Variants in CABIN1 observed in about 807,000 individuals in gnomAD.
CABIN1 encodes calcineurin binding protein 1.
A neutral mutation model predicts 227.7 loss-of-function variants in CABIN1; 133 were observed. That is an observed-to-expected ratio of 0.58 (90% confidence interval 0.51 to 0.67). The LOEUF (loss-of-function observed/expected upper bound fraction) is 0.67, where lower values mean the gene tolerates loss of function less well. CABIN1 is among the 30% of genes least tolerant of loss of function. The pLI, the probability that CABIN1 is intolerant of heterozygous loss-of-function variation, is 0.00. For missense variants in CABIN1, 2,408 were observed against 2,852.5 expected (o/e 0.84, Z 3.55); for synonymous variants, 1,086 against 1,155.1 (o/e 0.94, Z 1.21).
Position 24,098,169 on chromosome 22 carries a change from C to G in CABIN1, c.4094C>G (p.Pro1365Arg), listed in dbSNP as rs1211172511. 1 of 1,614,176 alleles carries G rather than the reference C, an allele frequency of 6.2e-7. No homozygotes were observed. The highest frequency in any genetic ancestry group is 8.5e-7 in the Non-Finnish European group (1 of 1,180,036). ...CACGATTACGTCAAATGTAAAAAAC[C>G]CCACCAGCAGGCAACGCCGGACGGT... ...IDHDYVKCKKPHQQATPDDRS... is the reference protein window; with the variant it reads ...IDHDYVKCKKRHQQATPDDRS... Residue 1365 changes from proline (P) to arginine (R), a missense_variant, in exon 26 of 37, where the codon CCC (proline) becomes CGC (arginine). This residue lies in a region of CABIN1 where 649 missense variants were observed against 910.3 expected (regional missense o/e 0.71). Coordinates refer to ENST00000263119, the MANE Select transcript of CABIN1 (RefSeq NM_012295.4).
chr22:24,070,000 T>C (rs977788123), intron 16 of CABIN1, among the ~76,000 whole-genome samples: 1 of 151,468 alleles, frequency 6.6e-6, no homozygotes, highest in African/African-American at 2.4e-5. Flanking sequence ...AGACAGGCTG[T>C]GTTTCCCCAT....
chr22:24,158,711 C>G (rs2148593069), intron 29 of CABIN1, among the ~76,000 whole-genome samples: 1 of 152,188 alleles, frequency 6.6e-6, no homozygotes, highest in East Asian at 1.9e-4. Flanking sequence ...TCAAAAACCC[C>G]CCACATCCCT....
At chr22:24,143,925 A>G (rs2044946522) in intron 29 of CABIN1, among the ~76,000 whole-genome samples, 1 of 152,202 alleles carries the variant, frequency 6.6e-6, no homozygotes, top group African/African-American at 2.4e-5. Context: ...AAAGGGGCTC[A>G]GGTCAGTGCC....
chr22:24,059,416 C>T (rs2146362004), intron 11 of CABIN1, 53 bp downstream of exon 11: 4 of 1,597,644 alleles, frequency 2.5e-6, no homozygotes, highest in Admixed American at 1.7e-5. Context: ...TTCCCACTAT[C>T]CTATAACCTG....
chr22:24,088,853 C>G (rs1257677761), intron 23 of CABIN1, among the ~76,000 whole-genome samples: 1 of 152,192 alleles, frequency 6.6e-6, no homozygotes, highest in African/African-American at 2.4e-5. Flanking sequence ...TCACTCAGCA[C>G]CACACTGTTG....
chr22:24,156,690 C>T (rs1365911208), intron 29 of CABIN1: 1 of 152,268 alleles, frequency 6.6e-6, no homozygotes, highest in African/African-American at 2.4e-5. Context: ...CAAGCACCGG[C>T]CCGTTATGTG....
chr22:24,131,450 C>A (rs973951026), intron 28 of CABIN1, among the ~76,000 whole-genome samples: 3 of 152,198 alleles, frequency 2.0e-5, no homozygotes, highest in African/African-American at 7.2e-5. Context: ...CAGGCTCAGT[C>A]CCCTAGGCAG....
intron 1 of CABIN1, among the ~76,000 whole-genome samples, chr22:24,013,428 A>C (rs1028481254): frequency 4.2e-4 from 64 of 151,550 alleles, no homozygotes; most frequent in Admixed American, 1.3e-4. Context: ...TGATCTCCTG[A>C]CCTCATGATC....
intron 8 of CABIN1, among the ~76,000 whole-genome samples, chr22:24,053,077 T>C (rs2038483082): frequency 6.7e-6 from 1 of 149,342 alleles, no homozygotes; most frequent in Admixed American, 6.6e-5. Context: ...TTTTCTTTTT[T>C]CTTTTTTTTT....
intron 29 of CABIN1, among the ~76,000 whole-genome samples, chr22:24,146,384 A>C (rs1050297945): frequency 1.3e-5 from 2 of 152,200 alleles, no homozygotes; most frequent in African/African-American, 4.8e-5. Context: ...TGGGCTCTGC[A>C]AGCTTTGTGG....
Position 24,041,150 on chromosome 22 carries a change from C to T in CABIN1, c.222C>T (p.Ser74=), listed in dbSNP as rs780301447. 84 of 1,614,168 alleles carry T rather than the reference C, an allele frequency of 5.2e-5. No individual in the cohort carries two copies. The Middle Eastern group carries it at 9.9e-4, about 19-fold the overall frequency. ...TGTTTTGTTCACAGGCAGTTTCATC[C>T]GGTGATGAGAAAGAGGGGTTGAAAC... ...EASLLREAVS[S]GDEKEGLKHP... is the part of the protein sequence containing the mutation. Residue 74 remains serine (S), a synonymous_variant, in exon 5 of 37, where the codon TCC becomes TCT. Coordinates refer to ENST00000263119, the MANE Select transcript of CABIN1 (RefSeq NM_012295.4).
chr22:24,045,283 A>G (rs927709355), intron 6 of CABIN1, among the ~76,000 whole-genome samples: 4 of 152,088 alleles, frequency 2.6e-5, no homozygotes, highest in South Asian at 2.1e-4. Context: ...GTACACCTCG[A>G]AACTCTTTAA....
intron 34 of CABIN1, among the ~76,000 whole-genome samples, chr22:24,173,694 T>G (rs1280023880): frequency 6.6e-6 from 1 of 152,060 alleles, no homozygotes; most frequent in East Asian, 1.9e-4. Flanking sequence ...ATTAGCTGGG[T>G]GTGGTGGTGG....
In CABIN1 at chr22:24,054,252, A is replaced by C. The variant is rs545077375; in HGVS notation, c.807-621A>C. Among the ~76,000 whole-genome samples the C allele has an allele frequency of 2.0e-5, 3 of 152,208 alleles. No homozygotes were observed. The East Asian group carries it at 5.8e-4, about 29-fold the overall frequency. On this transcript the variant is annotated intron_variant, in intron 8 of 36. Coordinates refer to ENST00000263119, the MANE Select transcript of CABIN1 (RefSeq NM_012295.4). ...GACAACACACAACCTTGAACCCAAC[A>C]CAACACACAACACGGAATGTGAAAT...
At position 24,177,639 on chromosome 22, in the gene CABIN1, G is replaced by T. The variant is rs1453366032; in HGVS notation, c.6341G>T (p.Gly2114Val). The T allele has an allele frequency of 6.2e-7, 1 of 1,613,664 alleles. No individual in the cohort carries two copies. The highest frequency in any genetic ancestry group is 1.7e-5 in the Admixed American group (1 of 60,006). Residue 2114 changes from glycine to valine, a missense_variant, in exon 36 of 37, where the codon GGT becomes GTT. By Grantham distance (109) the Gly-to-Val change is moderately radical (BLOSUM62 -3). This residue lies in a region of CABIN1 where 714 missense variants were observed against 773.8 expected (regional missense o/e 0.92). Coordinates refer to ENST00000263119, the MANE Select transcript of CABIN1 (RefSeq NM_012295.4). This position sits in a 1 kb window ranked among gnomAD's most constrained non-coding sequence, Gnocchi z 4.4. ...AGTGGGAGTGCCCAGCCACCAGAGG[G>T]TCACCCAGGCAAGCCTGAGCCCAGC... is the stretch of plus-strand genomic sequence containing the variant. ...PSSGSAQPPE[G>V]HPGKPEPSRA...
intron 28 of CABIN1, among the ~76,000 whole-genome samples, chr22:24,131,863 C>T (rs184438176): frequency 7.9e-5 from 12 of 152,094 alleles, no homozygotes; most frequent in African/African-American, 2.7e-4. Flanking sequence ...GTCAGGAGTT[C>T]GAGACCAGCC....
chr22:24,015,685 G>T (rs2146422758), intron 1 of CABIN1, among the ~76,000 whole-genome samples: 1 of 152,034 alleles, frequency 6.6e-6, no homozygotes, highest in African/African-American at 2.4e-5. Context: ...GGCCAGGCAT[G>T]GTGGCTCACG....
intron 1 of CABIN1, among the ~76,000 whole-genome samples, chr22:24,030,690 T>G (rs2036431948): frequency 6.6e-6 from 1 of 152,160 alleles, no homozygotes; most frequent in African/African-American, 2.4e-5. Context: ...AGGGAGCTGT[T>G]GCTTCAGGGA....
intron 6 of CABIN1, among the ~76,000 whole-genome samples, chr22:24,044,490 T>C (rs1306072888): frequency 1.3e-5 from 2 of 152,222 alleles, no homozygotes; most frequent in East Asian, 1.9e-4. Context: ...GAACAAACTT[T>C]CTCAATTTTT....
Sources: gnomAD v4.1 joint callset for allele counts (sites outside exome capture counted in the v4.1 genomes callset) on GRCh38, gnomAD v4.1.1 for gene constraint, gnomAD v4.1.1 regional missense constraint, Gnocchi (gnomAD v3.1) non-coding constraint, MANE v1.5 for transcripts, NCBI Gene and HGNC (gene_info 2026-07-23, HGNC 2026-07-21) for gene names.